The following TSPAN5 variants were observed in gnomAD, a reference collection of about 807,000 sequenced individuals.
TSPAN5 encodes the protein tetraspanin-5.
Under a neutral mutation model 37.1 loss-of-function variants are expected in TSPAN5, and 10 were observed. The ratio of observed to expected loss-of-function variants is 0.27; its 90% CI spans 0.17 to 0.46. The LOEUF is 0.46. Ranked by LOEUF, TSPAN5 falls within the 20% of genes least tolerant of loss-of-function variation. The pLI, the probability that TSPAN5 is intolerant of heterozygous loss-of-function variation, is 1.00. For missense variants in TSPAN5, 195 were observed against 326.6 expected (o/e 0.60, Z 3.11); for synonymous variants, 110 against 118.9 (o/e 0.93, Z 0.48).
At chr4:98,582,837 T>G (rs533121068) in intron 1 of TSPAN5, among the ~76,000 whole-genome samples, 1 of 152,156 alleles carries the variant, frequency 6.6e-6, no homozygotes, top group Non-Finnish European at 1.5e-5. Flanking sequence ...AGGATTATGT[T>G]GACTTTGTTC....
chr4:98,585,900 G>A (rs1755475187), intron 1 of TSPAN5, among the ~76,000 whole-genome samples: 1 of 152,202 alleles, frequency 6.6e-6, no homozygotes, highest in Admixed American at 6.5e-5. Flanking sequence ...CCCAGAACTT[G>A]CAGGCTACAT....
chr4:98,586,934 G>A (rs1218360119), intron 1 of TSPAN5, among the ~76,000 whole-genome samples: 2 of 152,210 alleles, frequency 1.3e-5, no homozygotes, highest in Non-Finnish European at 2.9e-5. Context: ...CTTCCAAAGG[G>A]AAAAGGGGAG....
intron 1 of TSPAN5, among the ~76,000 whole-genome samples, chr4:98,582,303 A>T (rs532967438): frequency 6.6e-6 from 1 of 152,198 alleles, no homozygotes; most frequent in East Asian, 1.9e-4. Context: ...TGCCATCCCC[A>T]CTGGAGCTGA....
chr4:98,591,074 T>C (rs1240735099), intron 1 of TSPAN5, among the ~76,000 whole-genome samples: 1 of 150,336 alleles, frequency 6.7e-6, no homozygotes. Flanking sequence ...TTTTTGTTTT[T>C]TTGTTTTTTT....
intron 1 of TSPAN5, among the ~76,000 whole-genome samples, chr4:98,615,314 A>C (rs1756298410): frequency 6.6e-6 from 1 of 152,196 alleles, no homozygotes; most frequent in African/African-American, 2.4e-5. Flanking sequence ...CCTCAGGGAC[A>C]ATGACAATAC....
At chr4:98,539,142 CA>C (rs36115789) in intron 1 of TSPAN5, among the ~76,000 whole-genome samples, 75,243 of 136,868 alleles carry the variant, frequency 0.55, 19,770 homozygotes, top group African/African-American at 0.67. Context: ...TCACCCCCAC[CA>C]AAAAAAAAAA....
intron 1 of TSPAN5, among the ~76,000 whole-genome samples, chr4:98,601,308 T>C (rs1755876608): frequency 6.6e-6 from 1 of 152,244 alleles, no homozygotes; most frequent in South Asian, 2.1e-4. Context: ...TCTCTAGCTA[T>C]GAAAGTCTTG....
chr4:98,484,407 C>T (rs1001826188), intron 3 of TSPAN5: 3 of 455,496 alleles, frequency 6.6e-6, no homozygotes, highest in East Asian at 6.9e-5. Flanking sequence ...ACCTTCTGTT[C>T]GAAGATTATT....
At chr4:98,475,883 G>A (rs960406316) in intron 7 of TSPAN5, among the ~76,000 whole-genome samples, 4 of 151,942 alleles carry the variant, frequency 2.6e-5, no homozygotes, top group Admixed American at 2.0e-4. Context: ...CCAGCTACTC[G>A]GGAGGCTGAG....
chr4:98,523,257 G>A (rs893412312), intron 1 of TSPAN5, among the ~76,000 whole-genome samples: 43 of 152,314 alleles, frequency 2.8e-4, no homozygotes, highest in African/African-American at 9.9e-4. Flanking sequence ...CATGAGGGAT[G>A]TGAATAAGCG....
intron 3 of TSPAN5, chr4:98,485,121 A>T (rs1161998259): frequency 6.4e-6 from 1 of 156,988 alleles, no homozygotes; most frequent in African/African-American, 2.4e-5. Context: ...CTAAAAAAAA[A>T]AAAAAAAGGA....
intron 1 of TSPAN5, among the ~76,000 whole-genome samples, chr4:98,590,355 A>G (rs942900459): frequency 6.6e-6 from 1 of 152,058 alleles, no homozygotes; most frequent in African/African-American, 2.4e-5. Context: ...CATCTCATCT[A>G]ATTTTCCAGA....
Position 98,509,247 on chromosome 4 carries a change from A to T in TSPAN5, c.82-1519T>A, listed in dbSNP as rs577509420. ...CACTGAGAGGGGTATGCAGAGAAAA[A>T]AATGAGTGAGAGTGGTTATTTTTTA... On this transcript the variant is annotated intron_variant, in intron 1 of 7. Coordinates refer to ENST00000305798, the MANE Select transcript of TSPAN5 (RefSeq NM_005723.4). 3.9e-5 allele frequency among the ~76,000 whole-genome samples: 6 copies of T among 152,344 alleles called. 1 individual carries two copies. In the South Asian group the frequency reaches 1.2e-3, roughly 32 times the overall value.
chr4:98,495,606 C>T (rs1753189578), intron 2 of TSPAN5, among the ~76,000 whole-genome samples: 1 of 151,690 alleles, frequency 6.6e-6, no homozygotes, highest in Non-Finnish European at 1.5e-5. Context: ...ATTCAGCTGT[C>T]TCTGGAATTT....
At chr4:98,592,433 T>TG (rs1309771174) in intron 1 of TSPAN5, among the ~76,000 whole-genome samples, 7 of 144,722 alleles carry the variant, frequency 4.8e-5, no homozygotes, top group Admixed American at 2.0e-4. Context: ...TTTTTGTTTT[T>TG]TTTTTTTTTT....
At chr4:98,482,437 G>A in intron 3 of TSPAN5, 1 of 282,952 alleles carries the variant, frequency 3.5e-6, no homozygotes, top group Non-Finnish European at 6.5e-6. Context: ...AGCAAACATG[G>A]ATAATAAGGA....
chr4:98,549,371 C>T (rs907103458), intron 1 of TSPAN5, among the ~76,000 whole-genome samples: 4 of 150,506 alleles, frequency 2.7e-5, no homozygotes, highest in African/African-American at 7.4e-5. Flanking sequence ...GGTGTGATTT[C>T]GGCTCACTGC....
At chr4:98,563,611 C>G (rs1754925315) in intron 1 of TSPAN5, among the ~76,000 whole-genome samples, 2 of 152,228 alleles carry the variant, frequency 1.3e-5, no homozygotes, top group African/African-American at 2.4e-5. Context: ...TTTCCACACA[C>G]TTTTCAAGAA....
chr4:98,555,665 T>A (rs1398718731), intron 1 of TSPAN5, among the ~76,000 whole-genome samples: 1 of 152,130 alleles, frequency 6.6e-6, no homozygotes, highest in East Asian at 1.9e-4. Context: ...CCCAACCCCT[T>A]AAGTTTTCAG....
Sources: gnomAD v4.1 joint callset for allele counts (sites outside exome capture counted in the v4.1 genomes callset) on GRCh38, gnomAD v4.1.1 for gene constraint, MANE v1.5 for transcripts, NCBI Gene and HGNC (gene_info 2026-07-23, HGNC 2026-07-21) for gene names.